The following OLA1 variants were observed in gnomAD, a reference collection of about 807,000 sequenced individuals.
OLA1 encodes Obg like ATPase 1.
OLA1 carries 14 observed loss-of-function variants against 48.4 expected under a neutral mutation model. The observed-to-expected ratio is 0.29, with a 90% CI of 0.19 to 0.45. The LOEUF is 0.45. OLA1 is among the 20% of genes least tolerant of loss of function. The pLI is 1.00. For missense variants in OLA1, 325 were observed against 467.1 expected (o/e 0.70, Z 2.80); for synonymous variants, 127 against 150.4 (o/e 0.84, Z 1.14).
Position 174,211,205 on chromosome 2 carries a change from ACT to A in OLA1, c.373+11826_373+11827del, listed in dbSNP as rs1553489724. Among the ~76,000 whole-genome samples, 329 of 124,328 alleles carry A rather than the reference ACT, an allele frequency of 2.6e-3. 3 individuals carry two copies. Among genetic ancestry groups the A allele is most frequent in the African/African-American group, 9.7e-3 (313 of 32,190 alleles). The allele number at this position is 124,328 out of a possible 152,430, so 81.6% of individuals were successfully genotyped here. The stretch of plus-strand genomic sequence containing the variant: ...AACACACACACACACACACACACAC[ACT>A]CTCTCTCTCTCTCTCTTTCTCTCAC... On this transcript the variant is annotated intron_variant, in intron 4 of 10. Coordinates refer to ENST00000284719, the MANE Select transcript of OLA1 (RefSeq NM_013341.5).
chr2:174,134,607 AT>A (rs1686258311), intron 5 of OLA1, among the ~76,000 whole-genome samples: 1 of 152,092 alleles, frequency 6.6e-6, no homozygotes. Flanking sequence ...TTTACTTTTT[AT>A]TTTGAAAACA....
intron 9 of OLA1, among the ~76,000 whole-genome samples, chr2:174,079,728 C>T (rs1324562530): frequency 6.6e-6 from 1 of 151,872 alleles, no homozygotes; most frequent in Non-Finnish European, 1.5e-5. Flanking sequence ...ATATTCCACA[C>T]ACACATAACC....
intron 3 of OLA1, among the ~76,000 whole-genome samples, chr2:174,227,088 T>C (rs554963618): frequency 9.2e-5 from 14 of 151,408 alleles, no homozygotes; most frequent in African/African-American, 3.1e-4. Flanking sequence ...AGTAAGATTC[T>C]GTCTTTAAAA....
intron 4 of OLA1, among the ~76,000 whole-genome samples, chr2:174,197,201 T>G (rs973856189): frequency 6.6e-6 from 1 of 152,160 alleles, no homozygotes; most frequent in African/African-American, 2.4e-5. Context: ...TGGCTACTGT[T>G]ACTCAGTGCT....
intron 5 of OLA1, among the ~76,000 whole-genome samples, chr2:174,135,835 A>T (rs898326606): frequency 6.6e-6 from 1 of 152,242 alleles, no homozygotes; most frequent in African/African-American, 2.4e-5. Flanking sequence ...GAGATACTGC[A>T]GGTTTAGTTC....
chr2:174,130,923 A>G (rs1686167018), intron 5 of OLA1, among the ~76,000 whole-genome samples: 1 of 152,214 alleles, frequency 6.6e-6, no homozygotes, highest in South Asian at 2.1e-4. Context: ...AAAAGAGAAC[A>G]GTGAGGTTAG....
At chr2:174,237,527 C>T (rs922291354) in intron 2 of OLA1, among the ~76,000 whole-genome samples, 1 of 152,112 alleles carries the variant, frequency 6.6e-6, no homozygotes, top group African/African-American at 2.4e-5. Flanking sequence ...GCAAAGAGAT[C>T]GCTTGAAGCC....
At chr2:174,155,673 A>C (rs1198964991) in intron 4 of OLA1, among the ~76,000 whole-genome samples, 1 of 152,218 alleles carries the variant, frequency 6.6e-6, no homozygotes, top group African/African-American at 2.4e-5. Context: ...TAAATGTATA[A>C]GTCAAACTAA....
chr2:174,172,962 C>T (rs1687342747), intron 4 of OLA1, among the ~76,000 whole-genome samples: 1 of 152,104 alleles, frequency 6.6e-6, no homozygotes, highest in Non-Finnish European at 1.5e-5. Context: ...CTTGTTCCCT[C>T]TCTAGCCATG....
At chr2:174,153,169 G>T (rs1013057789) in intron 4 of OLA1, among the ~76,000 whole-genome samples, 1 of 152,126 alleles carries the variant, frequency 6.6e-6, no homozygotes, top group Non-Finnish European at 1.5e-5. Flanking sequence ...GGACTTTCAC[G>T]CAAAGTAAAC....
At chr2:174,167,135 G>A (rs1426965941) in intron 4 of OLA1, among the ~76,000 whole-genome samples, 8 of 150,248 alleles carry the variant, frequency 5.3e-5, no homozygotes, top group Non-Finnish European at 7.4e-5. Flanking sequence ...AAAAAAAAAA[G>A]TGCCCCATTA....
At chr2:174,155,445 A>G (rs1415485553) in intron 4 of OLA1, among the ~76,000 whole-genome samples, 1 of 152,236 alleles carries the variant, frequency 6.6e-6, no homozygotes, top group African/African-American at 2.4e-5. Context: ...GAGCATTTCA[A>G]AGAAACTAGT....
intron 5 of OLA1, among the ~76,000 whole-genome samples, chr2:174,134,180 T>C (rs1486420116): frequency 6.6e-6 from 1 of 152,234 alleles, no homozygotes; most frequent in Non-Finnish European, 1.5e-5. Flanking sequence ...AGTAACTGTG[T>C]TGGGTATATA....
chr2:174,092,346 T>C (rs1685148094), intron 7 of OLA1, among the ~76,000 whole-genome samples: 1 of 151,932 alleles, frequency 6.6e-6, no homozygotes, highest in Non-Finnish European at 1.5e-5. Context: ...TGAAACTTAA[T>C]CTAAAAAAGA....
intron 7 of OLA1, among the ~76,000 whole-genome samples, chr2:174,105,331 C>T (rs1285995195): frequency 6.6e-6 from 1 of 151,982 alleles, no homozygotes; most frequent in African/African-American, 2.4e-5. Context: ...CAATCTTATA[C>T]TGCACATCAT....
chr2:174,143,285 CTATAT>C (rs1686500377), intron 4 of OLA1, among the ~76,000 whole-genome samples: 1 of 152,078 alleles, frequency 6.6e-6, no homozygotes, highest in Admixed American at 6.6e-5. Context: ...AAATGAGGAG[CTATAT>C]TATGTTTTAC....
Position 174,119,573 on chromosome 2 carries a change from G to T in OLA1, c.728+3607C>A, listed in dbSNP as rs188695246. Among the ~76,000 whole-genome samples the T allele has an allele frequency of 2.6e-5, 4 of 152,002 alleles. No homozygotes were observed. The East Asian group carries it at 7.7e-4, about 29-fold the overall frequency. ...GCTGTAATTTTTATAGGCAGCTCAAGAAATCAAGAAAATATATTTATTCCA... is the reference window on the plus strand; with the variant it reads ...GCTGTAATTTTTATAGGCAGCTCAATAAATCAAGAAAATATATTTATTCCA... On this transcript the variant is annotated intron_variant, in intron 7 of 10. Coordinates refer to ENST00000284719, the MANE Select transcript of OLA1 (RefSeq NM_013341.5).
chr2:174,236,576 C>T (rs1354305173), intron 2 of OLA1, among the ~76,000 whole-genome samples: 1 of 152,096 alleles, frequency 6.6e-6, no homozygotes, highest in East Asian at 1.9e-4. Flanking sequence ...AGCCATACAT[C>T]GCTTAATGAT....
At chr2:174,127,176 T>A (rs1461649942) in intron 5 of OLA1, among the ~76,000 whole-genome samples, 3 of 152,220 alleles carry the variant, frequency 2.0e-5, no homozygotes, top group African/African-American at 7.2e-5. Context: ...GTGACTTGCC[T>A]AAATTCCCAT....
Sources: gnomAD v4.1 joint callset for allele counts (sites outside exome capture counted in the v4.1 genomes callset) on GRCh38, gnomAD v4.1.1 for gene constraint, MANE v1.5 for transcripts, NCBI Gene and HGNC (gene_info 2026-07-23, HGNC 2026-07-21) for gene names.